Variants in PTPRN2 observed in about 807,000 individuals in gnomAD.
PTPRN2 encodes protein tyrosine phosphatase receptor type N2.
A neutral mutation model predicts 118.8 loss-of-function variants in PTPRN2; 74 were observed. That is an observed-to-expected ratio of 0.62 (90% confidence interval 0.52 to 0.76). PTPRN2 has a LOEUF of 0.76. PTPRN2 is among the 30% of genes least tolerant of loss of function. PTPRN2 has a pLI of 0.00. For synonymous variants in PTPRN2, 641 were observed against 608.0 expected (o/e 1.05, Z -0.80); for missense variants, 1,481 against 1,394.4 (o/e 1.06, Z -0.99).
intron 1 of PTPRN2, among the ~76,000 whole-genome samples, chr7:158,553,363 T>C (rs1243777522): frequency 6.6e-6 from 1 of 151,296 alleles, no homozygotes; most frequent in Non-Finnish European, 1.5e-5. Flanking sequence ...CGACCTTCCC[T>C]GTGTATATGC....
At chr7:158,364,823 G>T (rs1035663772) in intron 2 of PTPRN2, among the ~76,000 whole-genome samples, 4 of 152,168 alleles carry the variant, frequency 2.6e-5, no homozygotes, top group African/African-American at 4.8e-5. Context: ...CCCTGCCAAG[G>T]ACTGTGGCCT....
chr7:157,811,334 A>T (rs199582631), intron 12 of PTPRN2, among the ~76,000 whole-genome samples: 9 of 13,896 alleles, frequency 6.5e-4, no homozygotes, highest in East Asian at 9.7e-3. Context: ...CTACTCTATT[A>T]TATATATATA....
At chr7:157,686,002 G>C (rs1431590756) in intron 12 of PTPRN2, among the ~76,000 whole-genome samples, 1 of 152,208 alleles carries the variant, frequency 6.6e-6, no homozygotes, top group Non-Finnish European at 1.5e-5. Flanking sequence ...GGGAGGCCCG[G>C]AGGGCGACCG....
chr7:158,141,808 C>T (rs1339125439), intron 6 of PTPRN2, among the ~76,000 whole-genome samples: 1 of 152,194 alleles, frequency 6.6e-6, no homozygotes, highest in African/African-American at 2.4e-5. Flanking sequence ...AAGGCCTGAA[C>T]GTCCATGACA....
intron 1 of PTPRN2, among the ~76,000 whole-genome samples, chr7:158,495,855 T>C (rs1821804405): frequency 2.0e-5 from 3 of 152,248 alleles, no homozygotes; most frequent in Middle Eastern, 3.4e-3. Context: ...ATCTGGCTTC[T>C]GTGGCCCAAG....
At chr7:157,626,796 A>G (rs560965542) in intron 14 of PTPRN2, among the ~76,000 whole-genome samples, 1 of 152,356 alleles carries the variant, frequency 6.6e-6, no homozygotes, top group African/African-American at 2.4e-5. Context: ...TATTTTGATG[A>G]TGGGCATCCA....
chr7:157,979,282 G>A (rs1802963671), intron 11 of PTPRN2, among the ~76,000 whole-genome samples: 1 of 148,710 alleles, frequency 6.7e-6, no homozygotes, highest in Non-Finnish European at 1.5e-5. Flanking sequence ...AAGTTATCAG[G>A]GAATGAAATT....
At position 157,954,296 on chromosome 7, in the gene PTPRN2, G is replaced by A. The variant is rs1300555893; in HGVS notation, c.1724-55559C>T. 4.1e-5 allele frequency among the ~76,000 whole-genome samples: 6 copies of A among 145,918 alleles called. 1 individual carries two copies. The East Asian group carries it at 1.2e-3, about 30-fold the overall frequency. ...GTGTAATCTCTGCATGTGTGTCTAT[G>A]TGGGTGGTACCCGTGTACTGTGTGT... On this transcript the variant is annotated intron_variant, in intron 11 of 22. Coordinates refer to ENST00000389418, the MANE Select transcript of PTPRN2 (RefSeq NM_002847.5).
intron 3 of PTPRN2, among the ~76,000 whole-genome samples, chr7:158,218,155 T>C (rs1255186569): frequency 1.3e-5 from 2 of 152,068 alleles, no homozygotes; most frequent in African/African-American, 4.8e-5. Context: ...TTCTCCAAGG[T>C]TGTTGTGAAA....
chr7:158,362,569 A>C (rs1232375834), intron 2 of PTPRN2, among the ~76,000 whole-genome samples: 2 of 152,184 alleles, frequency 1.3e-5, no homozygotes, highest in African/African-American at 4.8e-5. Flanking sequence ...TCCCCTCTGC[A>C]AGGGACAAAT....
chr7:158,355,056 T>C (rs576376866), intron 2 of PTPRN2, among the ~76,000 whole-genome samples: 14 of 151,508 alleles, frequency 9.2e-5, no homozygotes, highest in Non-Finnish European at 1.9e-4. Context: ...CACCCAAGAA[T>C]ACTGTATCCA....
chr7:157,652,236 G>A (rs1349339926), intron 14 of PTPRN2, among the ~76,000 whole-genome samples: 2 of 152,220 alleles, frequency 1.3e-5, no homozygotes, highest in Non-Finnish European at 1.5e-5. Flanking sequence ...GGCCCCGCCG[G>A]GCTCTGTTCC....
intron 3 of PTPRN2, among the ~76,000 whole-genome samples, chr7:158,277,820 G>C (rs996958401): frequency 6.6e-6 from 1 of 152,308 alleles, no homozygotes; most frequent in Non-Finnish European, 1.5e-5. Flanking sequence ...CTCCCACCTG[G>C]GGAGAGGAAT....
At chr7:158,443,519 C>T (rs1001287332) in intron 2 of PTPRN2, among the ~76,000 whole-genome samples, 11 of 152,138 alleles carry the variant, frequency 7.2e-5, no homozygotes, top group African/African-American at 2.7e-4. Context: ...CCTGGGCTGC[C>T]CTGGCTACCA....
chr7:157,577,075 G>T (rs773233262), intron 18 of PTPRN2, among the ~76,000 whole-genome samples: 1 of 152,156 alleles, frequency 6.6e-6, no homozygotes, highest in Non-Finnish European at 1.5e-5. Context: ...TCTGTCTTTT[G>T]CATGTCCATG....
At chr7:157,559,693 G>A (rs1214723737) in intron 21 of PTPRN2, among the ~76,000 whole-genome samples, 2 of 152,192 alleles carry the variant, frequency 1.3e-5, no homozygotes, top group Non-Finnish European at 2.9e-5. Context: ...TGTCTCCAAC[G>A]GGAACCTTGG....
chr7:158,142,784 G>A lies in PTPRN2; in HGVS notation c.911-4269C>T, dbSNP rs185199607. Among the ~76,000 whole-genome samples the A allele has an allele frequency of 4.1e-4, 63 of 152,262 alleles. 1 individual carries two copies. In the East Asian group the frequency reaches 9.1e-3, roughly 22 times the overall value. On this transcript the variant is annotated intron_variant, in intron 6 of 22. Transcript: ENST00000389418. ...AACCGCAGCAAAGCCTGCCTTCACC[G>A]CTACTCCTGTCTGCAGGTGACAAAG... is the stretch of plus-strand genomic sequence containing the variant.
chr7:157,987,202 C>T lies in PTPRN2; in HGVS notation c.1724-88465G>A, dbSNP rs145397615. 7.2e-4 allele frequency among the ~76,000 whole-genome samples: 109 copies of T among 152,216 alleles called. No individual in the cohort carries two copies. The highest frequency in any genetic ancestry group is 2.5e-3 in the African/African-American group (102 of 41,550). ...CATTTCTTCCTGGGATTAGGAAGCACGAAGTGTCCAGATCTGCTTCTGAAA... is the reference window on the plus strand; with the variant it reads ...CATTTCTTCCTGGGATTAGGAAGCATGAAGTGTCCAGATCTGCTTCTGAAA... On this transcript the variant is annotated intron_variant, in intron 11 of 22. Coordinates refer to ENST00000389418, the MANE Select transcript of PTPRN2 (RefSeq NM_002847.5). This position sits in a 1 kb window ranked among gnomAD's most constrained non-coding sequence, Gnocchi z 4.3.
rs547134063 is a variant in PTPRN2 at position 158,033,600 on chromosome 7, G to C, written c.1723+47698C>G. On this transcript the variant is annotated intron_variant, in intron 11 of 22. Transcript: ENST00000389418. ...CAGGAGAGGGGAGGGCTGGTGGGTG[G>C]GTTAAAGCTTGTGGCCAATGGTTCA... 1.2e-4 allele frequency among the ~76,000 whole-genome samples: 18 copies of C among 152,332 alleles called. 1 individual carries two copies. The highest frequency in any genetic ancestry group is 4.3e-4 in the African/African-American group (18 of 41,570).
Sources: allele counts gnomAD v4.1 joint callset (sites outside exome capture counted in the v4.1 genomes callset), GRCh38; gene constraint gnomAD v4.1.1; non-coding constraint Gnocchi (gnomAD v3.1); transcripts MANE v1.5; gene names NCBI Gene and HGNC (gene_info 2026-07-23, HGNC 2026-07-21).